LOXL3: variants seen among roughly 807,000 people sequenced by gnomAD.
The protein encoded by LOXL3 is lysyl oxidase like 3.
In LOXL3, 60 loss-of-function variants were observed where a neutral mutation model predicts 91.8. That is an observed-to-expected ratio of 0.65 (90% CI 0.53 to 0.81). The LOEUF (loss-of-function observed/expected upper bound fraction) is 0.81, where lower values mean the gene tolerates loss of function less well. Ranked by LOEUF, LOXL3 falls within the 30% of genes least tolerant of loss-of-function variation. The probability of loss-of-function intolerance (pLI) is 0.00; values close to 1 mark genes in which losing one functional copy is unlikely to be tolerated. For synonymous variants in LOXL3, 355 were observed against 387.6 expected (o/e 0.92, Z 0.99); for missense variants, 874 against 1,000.4 (o/e 0.87, Z 1.70).
chr2:74,533,477 C>G lies in LOXL3; in HGVS notation c.*129G>C. The G allele has an allele frequency of 1.3e-6, 1 of 751,794 alleles. No individual in the cohort carries two copies. The allele number at this position is 751,794 out of a possible 1,614,324, so 46.6% of individuals were successfully genotyped here. A position where few individuals can be genotyped will look rare whatever the true frequency, so the allele number is the denominator to read the frequency against. On this transcript the variant is annotated 3_prime_UTR_variant, in exon 14 of 14. Coordinates refer to ENST00000264094, the MANE Select transcript of LOXL3 (RefSeq NM_032603.5). ...GGGTGAAAACTTCTGCTTGACAGTTCCACATCCATAGTGCATGGTCTGATG... is the reference window on the plus strand; with the variant it reads ...GGGTGAAAACTTCTGCTTGACAGTTGCACATCCATAGTGCATGGTCTGATG...
At chr2:74,551,411 T>G (rs1394339106) in intron 2 of LOXL3, among the ~76,000 whole-genome samples, 1 of 152,266 alleles carries the variant, frequency 6.6e-6, no homozygotes, top group African/African-American at 2.4e-5. Context: ...TCCTTGTGAC[T>G]CTTCATGACT....
Position 74,534,705 on chromosome 2 carries a change from T to A in LOXL3, c.1649A>T (p.His550Leu), listed in dbSNP as rs748343116. Residue 550 changes from histidine to leucine, a missense_variant, in exon 10 of 14, where the codon CAT becomes CTT. Transcript: ENST00000264094. ...ETAYIEDRPL[H>L]MLYCAAEENC... ...CTCTTCCGCAGCACAGTACAACATA[T>A]GCAGGGGCCGGTCTTCGATGTAGGC... 6.2e-7 allele frequency: 1 copy of A among 1,614,142 alleles called. No homozygotes were observed. The highest frequency in any genetic ancestry group is 1.1e-5 in the South Asian group (1 of 91,074).
In LOXL3 at chr2:74,549,363, C is replaced by T. The variant is rs1409113711; in HGVS notation, c.692+6G>A. 3.2e-6 allele frequency: 5 copies of T among 1,585,602 alleles called. No homozygotes were observed. Among genetic ancestry groups the T allele is most frequent in the Non-Finnish European group, 4.3e-6 (5 of 1,165,256 alleles). The stretch of plus-strand genomic sequence containing the variant: ...CCTGCTCCGCCCGGCGCCCGCGGCC[C>T]CTCACCTGTAGAAGGCCGCGTTGAC... On this transcript the variant is annotated splice_donor_region_variant and intron_variant, in intron 4 of 13. Coordinates refer to ENST00000264094, the MANE Select transcript of LOXL3 (RefSeq NM_032603.5). This position sits in a 1 kb window ranked among gnomAD's most constrained non-coding sequence, Gnocchi z 5.3.
Position 74,547,176 on chromosome 2 carries a change from A to G in LOXL3, c.692+2193T>C, listed in dbSNP as rs114680296. Among the ~76,000 whole-genome samples the G allele has an allele frequency of 2.9e-3, 445 of 151,996 alleles. 1 individual carries two copies. The highest frequency in any genetic ancestry group is 9.9e-3 in the African/African-American group (412 of 41,444). On this transcript the variant is annotated intron_variant, in intron 4 of 13. Coordinates refer to ENST00000264094, the MANE Select transcript of LOXL3 (RefSeq NM_032603.5). ...CAGGCACGCACCACCATGTTCAGCT[A>G]ATTTTATTTTTAAAAAATTATCTGT...
intron 4 of LOXL3, among the ~76,000 whole-genome samples, chr2:74,544,491 G>A (rs1676496888): frequency 6.6e-6 from 1 of 152,196 alleles, no homozygotes; most frequent in Admixed American, 6.5e-5. Context: ...GCAAATAGGA[G>A]TTCAATAAAC....
At chr2:74,553,374 GCAGGGTCAAGAGGCCCAGGAGGGC>G (rs1677152374) in intron 1 of LOXL3, among the ~76,000 whole-genome samples, 1 of 152,220 alleles carries the variant, frequency 6.6e-6, no homozygotes, top group African/African-American at 2.4e-5. Context: ...CAGATGCCCT[GCAGGGTCAAGAGGCCCAGGAGGGC>G]CAGGCCTCAA....
rs907379793 is a variant in LOXL3 at position 74,535,972 on chromosome 2, A to G, written c.1248+24T>C. ...CCTGGATAGGATGAAAGAGACCTCA[A>G]CCAAGGTAGAGAGGATGACTGACCC... On this transcript the variant is annotated intron_variant, in intron 7 of 13. Coordinates refer to ENST00000264094, the MANE Select transcript of LOXL3 (RefSeq NM_032603.5). The surrounding 1 kb of genome is among the most constrained non-coding windows in gnomAD (Gnocchi z 4.2). The G allele has an allele frequency of 7.1e-6, 11 of 1,542,790 alleles. No homozygotes were observed. The highest frequency in any genetic ancestry group is 2.0e-5 in the Admixed American group (1 of 48,942).
upstream of LOXL3, chr2:74,554,426 T>G: frequency 2.6e-6 from 1 of 377,580 alleles, no homozygotes; most frequent in Non-Finnish European, 4.8e-6. The surrounding 1 kb of genome is among the most constrained non-coding windows in gnomAD (Gnocchi z 4.9). Context: ...TGTCATGGCT[T>G]TCACTCTGAC....
At chr2:74,534,468 C>T (rs780142553) in intron 10 of LOXL3, 37 bp from the exon 11 acceptor site, 9 of 1,613,612 alleles carry the variant, frequency 5.6e-6, no homozygotes, top group Non-Finnish European at 7.6e-6. Context: ...CCTTCTCTGC[C>T]CCCAGAAGGT....
In LOXL3 at chr2:74,536,888, C is replaced by T; in HGVS notation, c.733G>A (p.Gly245Arg). The T allele has an allele frequency of 6.2e-7, 1 of 1,614,220 alleles. No homozygotes were observed. The highest frequency in any genetic ancestry group is 8.5e-7 in the Non-Finnish European group (1 of 1,180,044). Residue 245 changes from glycine to arginine, a missense_variant, in exon 5 of 14, where the codon GGG becomes AGG. Coordinates refer to ENST00000264094, the MANE Select transcript of LOXL3 (RefSeq NM_032603.5). This position sits in a 1 kb window ranked among gnomAD's most constrained non-coding sequence, Gnocchi z 4.5. ...QRQQHSFGLHGVACVGTEAHL... is the reference protein window; with the variant it reads ...QRQQHSFGLHRVACVGTEAHL... The stretch of plus-strand genomic sequence containing the variant: ...GCCTCCGTGCCCACGCACGCCACCC[C>T]ATGCAGACCAAAGGAGTGTTGCTGC...
In LOXL3 at chr2:74,550,302, ACT is replaced by A. The variant is rs1676921410; in HGVS notation, c.358_359del (p.Ser120CysfsTer3). Reference sequence around the variant, plus strand: ...AGCCCCGGGAGGCACATTCAGTCACACTCTGCTCGGTCCCACTGCAGCTCAAG... The same window carrying A: ...AGCCCCGGGAGGCACATTCAGTCACACTGCTCGGTCCCACTGCAGCTCAAG... ...DNLSCSGTEQSVTECASRGWG... is the reference protein window; with the variant it reads ...DNLSCSGTEQXVTECASRGWG... On this transcript the variant is annotated frameshift_variant, in exon 3 of 14. Transcript: ENST00000264094. LOFTEE classifies it high-confidence loss of function. The A allele has an allele frequency of 6.2e-7, 1 of 1,613,684 alleles. No homozygotes were observed. The highest frequency in any genetic ancestry group is 8.5e-7 in the Non-Finnish European group (1 of 1,179,926).
At chr2:74,550,164 G>A in intron 3 of LOXL3, 21 bp downstream of exon 3, 4 of 1,607,456 alleles carry the variant, frequency 2.5e-6, no homozygotes, top group South Asian at 1.1e-5. Flanking sequence ...GTGTGTGTGT[G>A]TATGTCTAGG....
chr2:74,555,389 T>C, upstream of LOXL3: 1 of 1,612,408 alleles, frequency 6.2e-7, no homozygotes, highest in Non-Finnish European at 8.5e-7. The surrounding 1 kb of genome is among the most constrained non-coding windows in gnomAD (Gnocchi z 6.1). Flanking sequence ...CGCTCGCACC[T>C]GCTGGCGGCC....
Position 74,533,618 on chromosome 2 carries a change from G to T in LOXL3, c.2250C>A (p.Asn750Lys). ...AGGGCAGTGGCACTTAGATAATCTG[G>T]TTGCTGGTCTGGCCAGGGTAGCGTT... ...RFERYPGQTS[N>K]QII Residue 750 changes from asparagine (N) to lysine (K), a missense_variant, in exon 14 of 14, where the codon AAC becomes AAA. Coordinates refer to ENST00000264094, the MANE Select transcript of LOXL3 (RefSeq NM_032603.5). 6.2e-7 allele frequency: 1 copy of T among 1,614,076 alleles called. No homozygotes were observed. Among genetic ancestry groups the T allele is most frequent in the Non-Finnish European group, 8.5e-7 (1 of 1,180,004 alleles).
rs767758723 is a variant in LOXL3 at position 74,533,866 on chromosome 2, T to C, written c.2188+16A>G. 6.3e-7 allele frequency: 1 copy of C among 1,597,906 alleles called. No individual in the cohort carries two copies. Among genetic ancestry groups the C allele is most frequent in the Non-Finnish European group, 8.6e-7 (1 of 1,165,758 alleles). ...CCATCCCCTAATCTTCCTGGGTTGC[T>C]CTTCCCATCAAATACCAATGTGGCA... On this transcript the variant is annotated intron_variant, in intron 13 of 13. Transcript: ENST00000264094.
At chr2:74,537,231 C>T (rs1558620889) in intron 4 of LOXL3, among the ~76,000 whole-genome samples, 1 of 151,562 alleles carries the variant, frequency 6.6e-6, no homozygotes, top group Non-Finnish European at 1.5e-5. Flanking sequence ...TGGTTTCAGG[C>T]TGCTGGCCCT....
Position 74,535,228 on chromosome 2 carries a change from T to A in LOXL3, c.1579+64A>T, listed in dbSNP as rs1675938885. The A allele has an allele frequency of 6.5e-7, 1 of 1,539,724 alleles. No individual in the cohort carries two copies. Among genetic ancestry groups the A allele is most frequent in the East Asian group, 2.3e-5 (1 of 44,164 alleles). On this transcript the variant is annotated intron_variant, in intron 9 of 13. Transcript: ENST00000264094. The surrounding 1 kb of genome is among the most constrained non-coding windows in gnomAD (Gnocchi z 4.2). ...TGCCCCTCCAGATTACAGCCCCCTT[T>A]CCCTGCAAACGGGTGGCCCAGACAC...
chr2:74,536,897 C>A lies in LOXL3; in HGVS notation c.724G>T (p.Gly242Cys). 6.2e-7 allele frequency: 1 copy of A among 1,614,160 alleles called. No individual in the cohort carries two copies. Among genetic ancestry groups the A allele is most frequent in the Non-Finnish European group, 8.5e-7 (1 of 1,180,028 alleles). Residue 242 changes from glycine (G) to cysteine (C), a missense_variant, in exon 5 of 14, where the codon GGT becomes TGT. Physicochemically the swap from Gly to Cys is radical, Grantham distance 159. Coordinates refer to ENST00000264094, the MANE Select transcript of LOXL3 (RefSeq NM_032603.5). This position sits in a 1 kb window ranked among gnomAD's most constrained non-coding sequence, Gnocchi z 4.5. The stretch of plus-strand genomic sequence containing the variant: ...CCCACGCACGCCACCCCATGCAGAC[C>A]AAAGGAGTGTTGCTGCCGTTGGGCT... Reference protein sequence around the residue: ...LLAQRQQHSFGLHGVACVGTE... With the variant: ...LLAQRQQHSFCLHGVACVGTE...
upstream of LOXL3, chr2:74,555,107 C>G (rs746305702): frequency 2.6e-6 from 4 of 1,565,390 alleles, no homozygotes; most frequent in South Asian, 4.7e-5. This position sits in a 1 kb window ranked among gnomAD's most constrained non-coding sequence, Gnocchi z 6.1. Flanking sequence ...GGACCCGGGC[C>G]GCCTGCGCAC....
Sources: allele counts gnomAD v4.1 joint callset (sites outside exome capture counted in the v4.1 genomes callset), GRCh38; gene constraint gnomAD v4.1.1; non-coding constraint Gnocchi (gnomAD v3.1); transcripts MANE v1.5; gene names NCBI Gene and HGNC (gene_info 2026-07-23, HGNC 2026-07-21).